Variants in LAMA2 observed in about 807,000 individuals in gnomAD.
LAMA2 encodes the protein laminin subunit alpha 2.
A neutral mutation model predicts 364.8 loss-of-function variants in LAMA2; 269 were observed. That is an observed-to-expected ratio of 0.74 (90% CI 0.67 to 0.82). The LOEUF (loss-of-function observed/expected upper bound fraction) is 0.82, where lower values mean the gene tolerates loss of function less well. LAMA2 is among the 40% of genes least tolerant of loss of function. The pLI, the probability that LAMA2 is intolerant of heterozygous loss-of-function variation, is 0.00. For missense variants in LAMA2, 3,807 were observed against 3,873.2 expected (o/e 0.98, Z 0.45); for synonymous variants, 1,379 against 1,370.6 (o/e 1.01, Z -0.14).
At chr6:129,177,461 T>C (rs1342290250) in intron 9 of LAMA2, among the ~76,000 whole-genome samples, 1 of 152,216 alleles carries the variant, frequency 6.6e-6, no homozygotes, top group African/African-American at 2.4e-5. Context: ...TGCTTTGAGA[T>C]TTCATCTTTC....
At chr6:129,107,878 C>G (rs1775922024) in intron 4 of LAMA2, among the ~76,000 whole-genome samples, 1 of 152,108 alleles carries the variant, frequency 6.6e-6, no homozygotes, top group African/African-American at 2.4e-5. Flanking sequence ...TCTGGGGTTT[C>G]CTGGAAAATC....
chr6:129,231,160 A>G (rs1014739934), intron 12 of LAMA2, among the ~76,000 whole-genome samples: 2 of 152,128 alleles, frequency 1.3e-5, no homozygotes, highest in Non-Finnish European at 2.9e-5. Context: ...AGGCTAGTTT[A>G]TATAACATTA....
chr6:129,073,190 A>G (rs1304452499), intron 3 of LAMA2, among the ~76,000 whole-genome samples: 1 of 151,892 alleles, frequency 6.6e-6, no homozygotes, highest in African/African-American at 2.4e-5. Context: ...AATATATCCT[A>G]TCATTATTAC....
chr6:129,373,010 G>A (rs963835292), intron 34 of LAMA2, among the ~76,000 whole-genome samples: 11 of 152,222 alleles, frequency 7.2e-5, no homozygotes, highest in Non-Finnish European at 1.2e-4. Flanking sequence ...GTCGAATTCA[G>A]AGTTTTTTGT....
chr6:129,251,058 CTCTCTCTCTCTCTCTCTCTATATA>C (rs1423374344), intron 13 of LAMA2, among the ~76,000 whole-genome samples: 18 of 71,164 alleles, frequency 2.5e-4, no homozygotes, highest in East Asian at 1.1e-3. Flanking sequence ...CTCTCTCTCT[CTCTCTCTCTCTCTCTCTCTATATA>C]TATATATATA....
intron 44 of LAMA2, among the ~76,000 whole-genome samples, chr6:129,444,057 A>C (rs567830461): frequency 1.6e-4 from 25 of 152,190 alleles, no homozygotes; most frequent in South Asian, 6.2e-4. Context: ...GTGATTGTCA[A>C]GTTTCATCAA....
At chr6:128,900,870 G>C (rs147749786) in intron 1 of LAMA2, among the ~76,000 whole-genome samples, 3 of 152,318 alleles carry the variant, frequency 2.0e-5, no homozygotes, top group Non-Finnish European at 4.4e-5. Flanking sequence ...ACACCCTCCT[G>C]TCTAGGCATG....
At position 129,516,496 on chromosome 6, in the gene LAMA2, CCAGACTGAATTTTAATTCAAGTTCT is replaced by C. The variant is rs1787095743; in HGVS notation, c.*150_*174del. 2.7e-6 allele frequency: 2 copies of C among 749,230 alleles called. No homozygotes were observed. The highest frequency in any genetic ancestry group is 4.6e-5 in the Admixed American group (2 of 43,888). 46.4% of individuals were successfully genotyped at this position (749,230 alleles called of 1,614,324 possible). ...TATTCAGATGGTGCTAATTCAGACT[CCAGACTGAATTTTAATTCAAGTTCT>C]TTCTCAAGTCTATAAATAATATTAA... is the stretch of plus-strand genomic sequence containing the variant. On this transcript the variant is annotated 3_prime_UTR_variant, in exon 65 of 65. Coordinates refer to ENST00000421865, the MANE Select transcript of LAMA2 (RefSeq NM_000426.4).
chr6:129,293,138 GGTGGCA>G (rs1334949693), intron 20 of LAMA2: 1 of 955,022 alleles, frequency 1.0e-6, no homozygotes, highest in African/African-American at 1.8e-5. Flanking sequence ...GAAGTTCCCT[GGTGGCA>G]TTTTACCAAA....
Position 128,950,554 on chromosome 6 carries a change from A to G in LAMA2, c.112+67197A>G, listed in dbSNP as rs149511347. On this transcript the variant is annotated intron_variant, in intron 1 of 64. Transcript: ENST00000421865. ...CAAAGTGCCCACGTCAGTGACAGATAAAGAGTCAACATCTGGGAGTAGCTT... is the reference window on the plus strand; with the variant it reads ...CAAAGTGCCCACGTCAGTGACAGATGAAGAGTCAACATCTGGGAGTAGCTT... 5.8e-4 allele frequency among the ~76,000 whole-genome samples: 89 copies of G among 152,244 alleles called. 2 individuals are homozygous for G. Among genetic ancestry groups the G allele is most frequent in the African/African-American group, 2.1e-3 (87 of 41,560 alleles).
rs1280099731 is a variant in LAMA2 at position 129,438,748 on chromosome 6, CA to C, written c.6072del (p.Ala2025LeufsTer41). On this transcript the variant is annotated frameshift_variant, in exon 42 of 65. Transcript: ENST00000421865. LOFTEE classifies it high-confidence loss of function. Reference sequence around the variant, plus strand: ...TTGAATGACACTTTGGGAAAGTTATCAGCTATTCCAAATGGTAAGCATTCAG... The same window carrying C: ...TTGAATGACACTTTGGGAAAGTTATCGCTATTCCAAATGGTAAGCATTCAG... ...RTLNDTLGKLSAIPNDTAAKL... is the reference protein window; with the variant it reads ...RTLNDTLGKLXAIPNDTAAKL... 1 of 1,551,310 alleles carries C rather than the reference CA, an allele frequency of 6.4e-7. No homozygotes were observed. The highest frequency in any genetic ancestry group is 1.4e-5 in the African/African-American group (1 of 73,588).
At chr6:129,302,982 T>C (rs78786479) in intron 22 of LAMA2, among the ~76,000 whole-genome samples, 5,183 of 152,194 alleles carry the variant, frequency 0.034, 283 homozygotes, top group African/African-American at 0.11. Context: ...GCATGTCAAT[T>C]CTTTACCAAA....
At chr6:129,032,810 T>C (rs377567594) in intron 1 of LAMA2, among the ~76,000 whole-genome samples, 5 of 152,140 alleles carry the variant, frequency 3.3e-5, no homozygotes, top group African/African-American at 1.2e-4. Context: ...GGAGTTAGCA[T>C]AATATGAAAT....
At chr6:128,929,379 T>C (rs1779302719) in intron 1 of LAMA2, 2 of 996,096 alleles carry the variant, frequency 2.0e-6, no homozygotes, top group Admixed American at 3.4e-5. Flanking sequence ...AAGAAGTTCA[T>C]CAGTCATGTG....
At chr6:128,957,835 C>CCT (rs376314577) in intron 1 of LAMA2, among the ~76,000 whole-genome samples, 1 of 40,466 alleles carries the variant, frequency 2.5e-5, no homozygotes, top group Non-Finnish European at 5.1e-5. Context: ...CTACTTCATG[C>CCT]ATTTTTTTTT....
chr6:128,883,795 T>C lies in LAMA2; in HGVS notation c.112+438T>C, dbSNP rs1287632136. The stretch of plus-strand genomic sequence containing the variant: ...ATGCATCAAAAAAAAATTATATATA[T>C]ATATATACACACACACACACACACA... On this transcript the variant is annotated intron_variant, in intron 1 of 64. Coordinates refer to ENST00000421865, the MANE Select transcript of LAMA2 (RefSeq NM_000426.4). 6.4e-3 allele frequency among the ~76,000 whole-genome samples: 851 copies of C among 132,928 alleles called. 9 individuals carry two copies. Among genetic ancestry groups the C allele is most frequent in the South Asian group, 0.021 (94 of 4,418 alleles). The allele number at this position is 132,928 out of a possible 152,430, so 87.2% of individuals were successfully genotyped here. A position where few individuals can be genotyped will look rare whatever the true frequency, so the allele number is the denominator to read the frequency against.
At chr6:129,154,164 A>G (rs1562281586) in intron 7 of LAMA2, among the ~76,000 whole-genome samples, 1 of 152,182 alleles carries the variant, frequency 6.6e-6, no homozygotes, top group Non-Finnish European at 1.5e-5. Flanking sequence ...CTGTAATTCC[A>G]GCACTTTGAG....
chr6:129,273,832 C>T lies in LAMA2; in HGVS notation c.2450+3081C>T, dbSNP rs180772936. On this transcript the variant is annotated intron_variant, in intron 17 of 64. Coordinates refer to ENST00000421865, the MANE Select transcript of LAMA2 (RefSeq NM_000426.4). ...ACAGTGATAACAATACCAGTAACAC[C>T]AAGTATTTAATGATTCTTTCATTTT... Among the ~76,000 whole-genome samples, 6 of 151,826 alleles carry T rather than the reference C, an allele frequency of 4.0e-5. No homozygotes were observed. The East Asian group carries it at 1.2e-3, about 29-fold the overall frequency.
chr6:129,151,183 G>T (rs549861292), intron 7 of LAMA2, among the ~76,000 whole-genome samples: 8 of 152,310 alleles, frequency 5.3e-5, no homozygotes, highest in African/African-American at 1.9e-4. Context: ...GGGGCTGTAG[G>T]TGTAGGGTCC....
Sources: gnomAD v4.1 joint callset for allele counts (sites outside exome capture counted in the v4.1 genomes callset) on GRCh38, gnomAD v4.1.1 for gene constraint, MANE v1.5 for transcripts, NCBI Gene and HGNC (gene_info 2026-07-23, HGNC 2026-07-21) for gene names.